ABCC4: variants seen among roughly 807,000 people sequenced by gnomAD.
ABCC4 encodes the protein ATP binding cassette subfamily C member 4 (PEL blood group).
In ABCC4, 102 loss-of-function variants were observed where a neutral mutation model predicts 168.5. The ratio of observed to expected loss-of-function variants is 0.61; its 90% CI spans 0.52 to 0.71. The LOEUF is 0.71. ABCC4 is among the 30% of genes least tolerant of loss of function. The pLI is 0.00. For missense variants in ABCC4, 1,402 were observed against 1,605.8 expected, an observed-to-expected ratio of 0.87 and a Z score of 2.17; for synonymous variants, 617 against 590.7, an observed-to-expected ratio of 1.04 and a Z score of -0.65.
Position 95,036,431 on chromosome 13 carries a change from AT to A in ABCC4, c.3736-1693del, listed in dbSNP as rs549065517. On this transcript the variant is annotated intron_variant, in intron 29 of 30. Coordinates refer to ENST00000645237, the MANE Select transcript of ABCC4 (RefSeq NM_005845.5). ...TTGAGTGACTAGTAAATCTTTCCAG[AT>A]TCCCTCTCATTGTCTGAAAACACAT... Among the ~76,000 whole-genome samples, 509 of 152,250 alleles carry A rather than the reference AT, an allele frequency of 3.3e-3. 3 individuals carry two copies. The highest frequency in any genetic ancestry group is 5.4e-3 in the Non-Finnish European group (367 of 68,004).
chr13:95,185,916 C>A (rs1244183424), intron 11 of ABCC4, among the ~76,000 whole-genome samples: 1 of 151,936 alleles, frequency 6.6e-6, no homozygotes, highest in Non-Finnish European at 1.5e-5. Context: ...ATAAATTGCA[C>A]TGTAAATTTA....
At chr13:95,242,260 C>T (rs879336018) in intron 3 of ABCC4, among the ~76,000 whole-genome samples, 4 of 150,562 alleles carry the variant, frequency 2.7e-5, no homozygotes, top group African/African-American at 7.4e-5. Flanking sequence ...CAGAGTCTTG[C>T]TCTGTCACCC....
At chr13:95,191,468 A>C (rs2038248874) in intron 9 of ABCC4, among the ~76,000 whole-genome samples, 2 of 152,216 alleles carry the variant, frequency 1.3e-5, no homozygotes, top group South Asian at 4.1e-4. Flanking sequence ...CATGCCTAAC[A>C]ACTATTTCTT....
chr13:95,280,400 G>C (rs1421639453), intron 1 of ABCC4, among the ~76,000 whole-genome samples: 1 of 130,700 alleles, frequency 7.7e-6, no homozygotes, highest in Non-Finnish European at 1.6e-5. Context: ...CTGGGTGACA[G>C]AGTGAGACTC....
chr13:95,249,950 CAAAGCTTCTATTAGA>C (rs1294517518), intron 1 of ABCC4, among the ~76,000 whole-genome samples: 1 of 152,022 alleles, frequency 6.6e-6, no homozygotes, highest in African/African-American at 2.4e-5. Context: ...AGAAGAGACC[CAAAGCTTCTATTAGA>C]GGATGACACA....
intron 13 of ABCC4, among the ~76,000 whole-genome samples, chr13:95,174,279 A>G (rs1280917101): frequency 6.6e-6 from 1 of 152,220 alleles, no homozygotes; most frequent in Admixed American, 6.5e-5. Flanking sequence ...TATATTCATG[A>G]TTGAAGTAAA....
chr13:95,225,136 G>GTC lies in ABCC4; in HGVS notation c.531+9472_531+9473dup, dbSNP rs1215850018. Among the ~76,000 whole-genome samples the GTC allele has an allele frequency of 6.4e-3, 401 of 62,480 alleles. 1 individual carries two copies. Among genetic ancestry groups the GTC allele is most frequent in the East Asian group, 0.021 (61 of 2,934 alleles). 41.0% of individuals were successfully genotyped at this position (62,480 alleles called of 152,430 possible). A position where few individuals can be genotyped will look rare whatever the true frequency, so the allele number is the denominator to read the frequency against. ...CCTCTCCCCCACTGTCTGTCTGTCT[G>GTC]TCTGTCTCTCTCTCTCTCACACACA... On this transcript the variant is annotated intron_variant, in intron 4 of 30. Coordinates refer to ENST00000645237, the MANE Select transcript of ABCC4 (RefSeq NM_005845.5).
intron 19 of ABCC4, among the ~76,000 whole-genome samples, chr13:95,118,987 C>T (rs190118695): frequency 1.6e-4 from 24 of 152,322 alleles, no homozygotes; most frequent in Non-Finnish European, 2.5e-4. Context: ...TCAATTATCT[C>T]TCATAACACA....
chr13:95,125,854 G>A (rs2139436527), intron 19 of ABCC4, among the ~76,000 whole-genome samples: 1 of 152,268 alleles, frequency 6.6e-6, no homozygotes, highest in African/African-American at 2.4e-5. Context: ...CTTTACCCAT[G>A]GATCTCAAGA....
chr13:95,052,649 A>T (rs1336078199), intron 27 of ABCC4, among the ~76,000 whole-genome samples: 1 of 152,254 alleles, frequency 6.6e-6, no homozygotes, highest in African/African-American at 2.4e-5. Context: ...ATTTACCTTT[A>T]TAAACACTTT....
intron 11 of ABCC4, among the ~76,000 whole-genome samples, chr13:95,182,663 T>C (rs1594250352): frequency 6.6e-6 from 1 of 152,218 alleles, no homozygotes; most frequent in Admixed American, 6.5e-5. Flanking sequence ...CAATAGCCTA[T>C]GAGGTGAATA....
At chr13:95,045,903 T>G (rs181062677) in intron 27 of ABCC4, among the ~76,000 whole-genome samples, 10 of 152,324 alleles carry the variant, frequency 6.6e-5, no homozygotes, top group Admixed American at 3.3e-4. Flanking sequence ...TCTTGAGTTG[T>G]ACTCATGATG....
intron 30 of ABCC4, among the ~76,000 whole-genome samples, chr13:95,030,079 C>T (rs1443772007): frequency 1.3e-5 from 2 of 152,014 alleles, no homozygotes; most frequent in Non-Finnish European, 2.9e-5. Context: ...AGAGTGCAGT[C>T]GTGTGACGTA....
intron 1 of ABCC4, among the ~76,000 whole-genome samples, chr13:95,279,836 C>T (rs2041068778): frequency 6.6e-6 from 1 of 152,118 alleles, no homozygotes; most frequent in African/African-American, 2.4e-5. Context: ...GCTCCTGGAG[C>T]CACAGGGCCC....
At chr13:95,295,238 G>A (rs574320527) in intron 1 of ABCC4, among the ~76,000 whole-genome samples, 14 of 152,176 alleles carry the variant, frequency 9.2e-5, no homozygotes, top group Non-Finnish European at 1.5e-4. Context: ...CTATTTGGCC[G>A]GCCACAGTGA....
At chr13:95,022,556 C>T (rs965609349) in intron 30 of ABCC4, among the ~76,000 whole-genome samples, 15 of 152,228 alleles carry the variant, frequency 9.9e-5, no homozygotes, top group Admixed American at 5.2e-4. Flanking sequence ...TATCTCAAAA[C>T]GTGTTTGGGT....
chr13:95,167,569 T>C (rs1257574643), intron 14 of ABCC4, among the ~76,000 whole-genome samples: 1 of 152,168 alleles, frequency 6.6e-6, no homozygotes, highest in South Asian at 2.1e-4. Context: ...TTGGACCAGT[T>C]TGATAACTGG....
intron 11 of ABCC4, among the ~76,000 whole-genome samples, chr13:95,184,008 C>T (rs563699393): frequency 1.7e-4 from 26 of 152,284 alleles, no homozygotes; most frequent in African/African-American, 5.8e-4. Flanking sequence ...ACCGTCCTAC[C>T]GAGGATGGAA....
intron 20 of ABCC4, among the ~76,000 whole-genome samples, chr13:95,105,980 G>A (rs559993848): frequency 5.9e-5 from 9 of 152,278 alleles, no homozygotes; most frequent in East Asian, 1.9e-4. Flanking sequence ...TACCGGCCTC[G>A]CTGATTTTCA....
Sources: allele counts gnomAD v4.1 joint callset (sites outside exome capture counted in the v4.1 genomes callset), GRCh38; gene constraint gnomAD v4.1.1; transcripts MANE v1.5; gene names NCBI Gene and HGNC (gene_info 2026-07-23, HGNC 2026-07-21).